The following INO80D variants were observed in gnomAD, a reference collection of about 807,000 sequenced individuals.
INO80D encodes INO80 complex subunit D.
INO80D carries 21 observed loss-of-function variants against 87.6 expected under a neutral mutation model. That is an observed-to-expected ratio of 0.24 (90% CI 0.17 to 0.35). The LOEUF (loss-of-function observed/expected upper bound fraction) is 0.35. INO80D is among the 10% of genes least tolerant of loss of function. The probability of loss-of-function intolerance (pLI) is 1.00; values close to 1 mark genes in which losing one functional copy is unlikely to be tolerated. For missense variants in INO80D, 982 were observed against 1,280.7 expected (o/e 0.77, Z 3.56); for synonymous variants, 440 against 491.0 (o/e 0.90, Z 1.37).
rs1688658643 is a variant in INO80D, at chr2:206,027,872, A to G, written c.1298+239T>C. Among the ~76,000 whole-genome samples, 4 of 152,342 alleles carry G rather than the reference A, an allele frequency of 2.6e-5. 1 individual carries two copies. The Middle Eastern group carries it at 0.01, about 389-fold the overall frequency. Reference sequence around the variant, plus strand: ...AGCCAGGTAACATTCTCAAATCTTCAATGAATAAATTCTAATCAAACTTCA... The same window carrying G: ...AGCCAGGTAACATTCTCAAATCTTCGATGAATAAATTCTAATCAAACTTCA... On this transcript the variant is annotated intron_variant, in intron 6 of 10. Coordinates refer to ENST00000403263, the MANE Select transcript of INO80D (RefSeq NM_017759.5).
intron 5 of INO80D, among the ~76,000 whole-genome samples, chr2:206,032,049 C>T (rs1431241370): frequency 6.6e-6 from 1 of 152,152 alleles, no homozygotes; most frequent in Admixed American, 6.5e-5. Context: ...CTCACTGGGT[C>T]CCCAAGCAGG....
rs1688111992 is a variant in INO80D at position 206,009,472 on chromosome 2, G to A, written c.1760+105C>T. 1.4e-5 allele frequency: 13 copies of A among 948,112 alleles called. No homozygotes were observed. In the South Asian group the frequency reaches 2.0e-4, roughly 15 times the overall value. The allele number at this position is 948,112 out of a possible 1,614,324, so 58.7% of individuals were successfully genotyped here. On this transcript the variant is annotated intron_variant, in intron 9 of 10. Coordinates refer to ENST00000403263, the MANE Select transcript of INO80D (RefSeq NM_017759.5). The stretch of plus-strand genomic sequence containing the variant: ...AAAATCTAGGCTGATATACTAAATG[G>A]TTTCTGTAGCCTAGTGACAACTTTA...
intron 8 of INO80D, among the ~76,000 whole-genome samples, chr2:206,017,043 C>T (rs1473565635): frequency 6.6e-6 from 1 of 152,150 alleles, no homozygotes; most frequent in Non-Finnish European, 1.5e-5. Flanking sequence ...AGGCTGAATC[C>T]TTAGCCCCTA....
chr2:206,023,944 T>C (rs1688534639), intron 6 of INO80D, among the ~76,000 whole-genome samples: 1 of 152,324 alleles, frequency 6.6e-6, no homozygotes, highest in South Asian at 2.1e-4. Flanking sequence ...ATCATAGATA[T>C]ATACAGTTTT....
chr2:206,020,836 T>A (rs1232006664), intron 6 of INO80D, among the ~76,000 whole-genome samples: 1 of 151,936 alleles, frequency 6.6e-6, no homozygotes, highest in Non-Finnish European at 1.5e-5. Context: ...CACAAACATA[T>A]AAAAACACAA....
At chr2:206,065,239 G>C (rs761059707) in intron 1 of INO80D, among the ~76,000 whole-genome samples, 7 of 152,192 alleles carry the variant, frequency 4.6e-5, no homozygotes, top group Non-Finnish European at 1.0e-4. Context: ...GGGAGGCCGA[G>C]GCAGGCGGAT....
At chr2:206,051,479 A>C (rs1689369476) in intron 4 of INO80D, among the ~76,000 whole-genome samples, 1 of 152,186 alleles carries the variant, frequency 6.6e-6, no homozygotes, top group Non-Finnish European at 1.5e-5. Flanking sequence ...AATAGAAAAT[A>C]AATATATGGA....
intron 6 of INO80D, among the ~76,000 whole-genome samples, chr2:206,021,417 G>A (rs1215638166): frequency 6.6e-6 from 1 of 152,172 alleles, no homozygotes; most frequent in East Asian, 1.9e-4. Flanking sequence ...TAAGAATAGG[G>A]AAGTGGATCA....
At chr2:206,050,907 T>G (rs1180173752) in intron 4 of INO80D, among the ~76,000 whole-genome samples, 1 of 152,084 alleles carries the variant, frequency 6.6e-6, no homozygotes, top group East Asian at 1.9e-4. Context: ...AGGCGGAGCT[T>G]GCAGTGAGCC....
intron 5 of INO80D, among the ~76,000 whole-genome samples, chr2:206,045,371 C>T (rs1292092902): frequency 6.6e-6 from 1 of 152,200 alleles, no homozygotes; most frequent in African/African-American, 2.4e-5. Flanking sequence ...AAAACCATCA[C>T]AGATAGCTGA....
rs2105782839 is a variant in INO80D at position 205,997,352 on chromosome 2, T to C, written c.*7016A>G. 6.6e-6 allele frequency: 1 copy of C among 152,140 alleles called. No homozygotes were observed. Among genetic ancestry groups the C allele is most frequent in the South Asian group, 2.1e-4 (1 of 4,822 alleles). 9.4% of individuals were successfully genotyped at this position (152,140 alleles called of 1,614,324 possible). A position where few individuals can be genotyped will look rare whatever the true frequency, so the allele number is the denominator to read the frequency against. ...TAACAGCAGAACTGAGTAAAAGTTTTTTGAAAAATTTTGGAAATAAATGAA... is the reference window on the plus strand; with the variant it reads ...TAACAGCAGAACTGAGTAAAAGTTTCTTGAAAAATTTTGGAAATAAATGAA... On this transcript the variant is annotated 3_prime_UTR_variant, in exon 11 of 11. Coordinates refer to ENST00000403263, the MANE Select transcript of INO80D (RefSeq NM_017759.5).
At chr2:206,014,372 A>T (rs1559433544) in intron 8 of INO80D, among the ~76,000 whole-genome samples, 2 of 152,184 alleles carry the variant, frequency 1.3e-5, no homozygotes, top group Non-Finnish European at 2.9e-5. Flanking sequence ...CCCAAATTTC[A>T]TCTTGTAGCT....
intron 1 of INO80D, among the ~76,000 whole-genome samples, chr2:206,082,279 C>CA (rs1215963757): frequency 6.6e-6 from 1 of 152,194 alleles, no homozygotes; most frequent in Non-Finnish European, 1.5e-5. Flanking sequence ...CTCAGCCTCC[C>CA]AAAGTGCTGG....
intron 3 of INO80D, among the ~76,000 whole-genome samples, chr2:206,058,279 C>T (rs375323578): frequency 1.3e-4 from 20 of 151,790 alleles, no homozygotes; most frequent in African/African-American, 4.6e-4. Flanking sequence ...ATTAGCCGGG[C>T]GTGGTGGCAG....
At chr2:206,029,591 ATTC>A (rs150803722) in intron 5 of INO80D, among the ~76,000 whole-genome samples, 10,304 of 152,240 alleles carry the variant, frequency 0.068, 557 homozygotes, top group Admixed American at 0.19. Context: ...AAGTGATATT[ATTC>A]TTCTTTCCTT....
Position 205,998,884 on chromosome 2 carries a change from C to T in INO80D, c.*5484G>A, listed in dbSNP as rs1026322804. 1.3e-5 allele frequency: 2 copies of T among 152,108 alleles called. No homozygotes were observed. Among genetic ancestry groups the T allele is most frequent in the African/African-American group, 4.8e-5 (2 of 41,390 alleles). 9.4% of individuals were successfully genotyped at this position (152,108 alleles called of 1,614,324 possible). ...AGGAATCCCTGAGACATACTCAATA[C>T]TATACAGTGAAAAGAACTATCACTG... On this transcript the variant is annotated 3_prime_UTR_variant, in exon 11 of 11. Coordinates refer to ENST00000403263, the MANE Select transcript of INO80D (RefSeq NM_017759.5).
At chr2:206,036,841 A>T in intron 5 of INO80D, among the ~76,000 whole-genome samples, 1 of 152,206 alleles carries the variant, frequency 6.6e-6, no homozygotes, top group East Asian at 1.9e-4. Flanking sequence ...TCTAAAGCTT[A>T]TTCATAATTT....
At chr2:206,063,307 A>G in intron 1 of INO80D, 63 bp from the exon 2 acceptor site, 1 of 521,722 alleles carries the variant, frequency 1.9e-6, no homozygotes, top group Non-Finnish European at 3.3e-6. Context: ...TCACCCAGGA[A>G]GCAAAATACT....
chr2:206,079,625 C>G (rs1316956001), intron 1 of INO80D, among the ~76,000 whole-genome samples: 1 of 152,186 alleles, frequency 6.6e-6, no homozygotes, highest in Non-Finnish European at 1.5e-5. Context: ...CTTCAAATCT[C>G]TTGTCAGGAG....
Sources: allele counts gnomAD v4.1 joint callset (sites outside exome capture counted in the v4.1 genomes callset), GRCh38; gene constraint gnomAD v4.1.1; transcripts MANE v1.5; gene names NCBI Gene and HGNC (gene_info 2026-07-23, HGNC 2026-07-21).